The following PRELID2 variants were observed in gnomAD, a reference collection of about 807,000 sequenced individuals.
PRELID2 encodes PRELI domain-containing protein 2.
Under a neutral mutation model 28.4 loss-of-function variants are expected in PRELID2, and 25 were observed. The observed-to-expected ratio is 0.88, with a 90% confidence interval of 0.64 to 1.23. The LOEUF is 1.23. Among genes scored for constraint, PRELID2 ranks in the 50% most tolerant of loss-of-function variants. The pLI, the probability that PRELID2 is intolerant of heterozygous loss-of-function variation, is 0.00. For missense variants in PRELID2, 201 were observed against 214.4 expected (o/e 0.94, Z 0.39); for synonymous variants, 76 against 71.6 (o/e 1.06, Z -0.31).
chr5:145,247,860 G>A, the PRELID2 span, among the ~76,000 whole-genome samples: 1 of 152,022 alleles, frequency 6.6e-6, no homozygotes, highest in African/African-American at 2.4e-5. Context: ...CACTCAGTAC[G>A]TTTTTATCAT....
chr5:145,786,781 T>A (rs771379325), intron 5 of PRELID2, among the ~76,000 whole-genome samples: 9 of 152,202 alleles, frequency 5.9e-5, no homozygotes, highest in Admixed American at 2.6e-4. Flanking sequence ...TTGAACTACA[T>A]TTGTAGTATC....
intron 5 of PRELID2, among the ~76,000 whole-genome samples, chr5:145,766,472 G>T (rs564281945): frequency 1.3e-5 from 2 of 152,110 alleles, no homozygotes; most frequent in Non-Finnish European, 2.9e-5. Context: ...CAAAGGCATC[G>T]CTAGAGAAGA....
chr5:145,286,733 T>TG, the PRELID2 span, among the ~76,000 whole-genome samples: 287 of 147,120 alleles, frequency 2.0e-3, no homozygotes, highest in African/African-American at 6.8e-3. Context: ...TGTTTTTTTT[T>TG]TTTTTTGAGA....
the PRELID2 span, among the ~76,000 whole-genome samples, chr5:145,438,825 C>A: frequency 8.3e-4 from 126 of 152,226 alleles, no homozygotes; most frequent in African/African-American, 2.9e-3. Flanking sequence ...GTTCTTTGTG[C>A]ACCTTCTGCC....
At chr5:145,388,440 C>A in the PRELID2 span, among the ~76,000 whole-genome samples, 9 of 152,218 alleles carry the variant, frequency 5.9e-5, no homozygotes, top group Non-Finnish European at 1.3e-4. Flanking sequence ...TAATGCTTTT[C>A]TTTTTCCCAC....
chr5:145,233,542 C>G, the PRELID2 span, among the ~76,000 whole-genome samples: 16 of 152,198 alleles, frequency 1.1e-4, no homozygotes, highest in Admixed American at 3.3e-4. Context: ...TGTGAGGAAT[C>G]TAAAATCAAA....
intron 1 of PRELID2, among the ~76,000 whole-genome samples, chr5:145,511,001 A>G (rs569441132): frequency 6.6e-6 from 1 of 152,218 alleles, no homozygotes; most frequent in African/African-American, 2.4e-5. Flanking sequence ...AAGTAAGCTG[A>G]CTGAGGTATG....
At chr5:145,293,979 T>C in the PRELID2 span, among the ~76,000 whole-genome samples, 2 of 152,176 alleles carry the variant, frequency 1.3e-5, no homozygotes, top group African/African-American at 4.8e-5. Context: ...AGTACTATTC[T>C]AGCTCCAGAG....
the PRELID2 span, among the ~76,000 whole-genome samples, chr5:145,236,198 C>T: frequency 3.8e-4 from 58 of 152,278 alleles, no homozygotes; most frequent in African/African-American, 1.4e-3. Flanking sequence ...ATCATTTCCT[C>T]TCCATCCTGT....
intron 1 of PRELID2, among the ~76,000 whole-genome samples, chr5:145,825,534 T>C (rs182784105): frequency 6.6e-6 from 1 of 152,340 alleles, no homozygotes; most frequent in African/African-American, 2.4e-5. Context: ...ATATATTGAC[T>C]GAATATTACA....
the PRELID2 span, chr5:145,437,296 T>A: frequency 6.6e-6 from 1 of 152,154 alleles, no homozygotes; most frequent in Non-Finnish European, 1.5e-5. Flanking sequence ...GTTTTCTAAT[T>A]TGTGTGACAT....
chr5:145,496,797 T>A (rs539328471), intron 1 of PRELID2, among the ~76,000 whole-genome samples: 1 of 152,164 alleles, frequency 6.6e-6, no homozygotes, highest in Non-Finnish European at 1.5e-5. Flanking sequence ...CCCTTGGTCC[T>A]TCATAGGTGT....
chr5:145,584,938 T>C (rs951588934), intron 1 of PRELID2, among the ~76,000 whole-genome samples: 1 of 152,184 alleles, frequency 6.6e-6, no homozygotes, highest in South Asian at 2.1e-4. Flanking sequence ...TTACTGGATA[T>C]ATACCCAAAG....
At chr5:145,368,912 A>T in the PRELID2 span, among the ~76,000 whole-genome samples, 1 of 151,664 alleles carries the variant, frequency 6.6e-6, no homozygotes, top group African/African-American at 2.4e-5. Context: ...TTCATCACCC[A>T]AGTATTAAGC....
At chr5:145,741,965 AATAAATTT>A (rs1756809643) in intron 1 of PRELID2, among the ~76,000 whole-genome samples, 1 of 68,796 alleles carries the variant, frequency 1.5e-5, no homozygotes, top group African/African-American at 5.1e-5. Flanking sequence ...TAATTAAATA[AATAAATTT>A]ATTTAATTAT....
At chr5:145,317,682 T>C in the PRELID2 span, among the ~76,000 whole-genome samples, 1 of 152,154 alleles carries the variant, frequency 6.6e-6, no homozygotes. Context: ...CATGGCTAAA[T>C]CTCTTCTATG....
the PRELID2 span, among the ~76,000 whole-genome samples, chr5:145,422,677 G>C: frequency 6.6e-6 from 1 of 151,968 alleles, no homozygotes; most frequent in Admixed American, 6.6e-5. Context: ...GATGGGTCTT[G>C]ACTCTTTATC....
chr5:145,484,571 A>G (rs750774878), intron 1 of PRELID2, among the ~76,000 whole-genome samples: 1 of 147,692 alleles, frequency 6.8e-6, no homozygotes, highest in Non-Finnish European at 1.5e-5. Flanking sequence ...ACTAGAAAGG[A>G]GAAAGCATTT....
rs1017291563 is a variant in PRELID2, at chr5:145,503,551, A to T, written n.71-30236T>A. ...CCCTATGAAAAAAATCACTATTATC[A>T]TTTTCATTTTACAGATGAGAAAACT... On this transcript the variant is annotated intron_variant and non_coding_transcript_variant, in intron 1 of 2. Transcript: ENST00000510259. 2.0e-5 allele frequency among the ~76,000 whole-genome samples: 3 copies of T among 152,060 alleles called. No homozygotes were observed. In the South Asian group the frequency reaches 6.2e-4, roughly 32 times the overall value.
Sources: allele counts gnomAD v4.1 joint callset (sites outside exome capture counted in the v4.1 genomes callset), GRCh38; gene constraint gnomAD v4.1.1; transcripts MANE v1.5; gene names NCBI Gene and HGNC (gene_info 2026-07-23, HGNC 2026-07-21).